Variants in TBC1D12 observed in about 807,000 individuals in gnomAD.
The protein encoded by TBC1D12 is TBC1 domain family, member 12.
TBC1D12 carries 56 observed loss-of-function variants against 86.7 expected under a neutral mutation model. The ratio of observed to expected loss-of-function variants is 0.65; its 90% CI spans 0.52 to 0.81. The LOEUF (loss-of-function observed/expected upper bound fraction) is 0.81. Among genes scored for constraint, TBC1D12 ranks in the 30% least tolerant of loss-of-function variants. TBC1D12 has a pLI of 0.00. For missense variants in TBC1D12, 1,023 were observed against 1,038.8 expected, an observed-to-expected ratio of 0.98 and a Z score of 0.21; for synonymous variants, 421 against 411.7, an observed-to-expected ratio of 1.02 and a Z score of -0.27.
intron 2 of TBC1D12, among the ~76,000 whole-genome samples, chr10:94,450,119 CA>C (rs1564952102): frequency 6.6e-6 from 1 of 151,958 alleles, no homozygotes; most frequent in East Asian, 1.9e-4. Context: ...ATTCTTTATT[CA>C]AAAAATACTA....
intron 1 of TBC1D12, among the ~76,000 whole-genome samples, chr10:94,441,531 TTTA>T (rs1268123134): frequency 6.6e-6 from 1 of 152,134 alleles, no homozygotes; most frequent in Non-Finnish European, 1.5e-5. Flanking sequence ...TGTTTATCTT[TTTA>T]TTATTTCTGT....
chr10:94,521,850 A>G, intron 9 of TBC1D12, 105 bp from the exon 10 acceptor site: 4 of 1,053,636 alleles, frequency 3.8e-6, no homozygotes, highest in Non-Finnish European at 5.1e-6. Context: ...ATCTTGGTTA[A>G]TTCTACTTTG....
chr10:94,474,282 A>G lies in TBC1D12; in HGVS notation c.1096-386A>G, dbSNP rs116302314. Among the ~76,000 whole-genome samples the G allele has an allele frequency of 4.5e-3, 682 of 152,114 alleles. 6 individuals are homozygous for G. Among genetic ancestry groups the G allele is most frequent in the African/African-American group, 0.015 (634 of 41,490 alleles). ...GTGTACTTCTGTCTTTCCTTCTCTT[A>G]CATTTTGATACTTTGTATGTAATAT... On this transcript the variant is annotated intron_variant, in intron 2 of 12. Transcript: ENST00000225235.
intron 1 of TBC1D12, 128 bp downstream of exon 1, chr10:94,403,712 C>G: frequency 8.6e-7 from 1 of 1,166,934 alleles, no homozygotes; most frequent in Non-Finnish European, 1.1e-6. Context: ...CGTGCCAGCC[C>G]CACACGCGTC....
At chr10:94,476,834 C>A (rs543625141) in intron 3 of TBC1D12, among the ~76,000 whole-genome samples, 1 of 152,152 alleles carries the variant, frequency 6.6e-6, no homozygotes, top group African/African-American at 2.4e-5. Context: ...CATGTTATTC[C>A]CCTCTCTTGG....
chr10:94,429,721 A>G (rs1391469005), intron 1 of TBC1D12, among the ~76,000 whole-genome samples: 1 of 151,978 alleles, frequency 6.6e-6, no homozygotes, highest in African/African-American at 2.4e-5. Flanking sequence ...TTACTCTTTC[A>G]ATTGATTCTA....
intron 11 of TBC1D12, among the ~76,000 whole-genome samples, chr10:94,528,967 G>A (rs1446129061): frequency 3.3e-5 from 5 of 151,932 alleles, no homozygotes; most frequent in Admixed American, 6.6e-5. Context: ...ATAAATAATG[G>A]CATTGGTCAA....
intron 6 of TBC1D12, among the ~76,000 whole-genome samples, chr10:94,504,320 T>C (rs12785061): frequency 0.11 from 16,128 of 152,262 alleles, 1,153 homozygotes; most frequent in Middle Eastern, 0.19. Flanking sequence ...CGTTTTGTGA[T>C]ACTATAATCA....
At chr10:94,467,810 C>CA (rs1403844169) in intron 2 of TBC1D12, among the ~76,000 whole-genome samples, 2 of 152,190 alleles carry the variant, frequency 1.3e-5, no homozygotes, top group African/African-American at 2.4e-5. Flanking sequence ...TCCCCACTCT[C>CA]ATGCGCGTAC....
At position 94,533,635 on chromosome 10, in the gene TBC1D12, T is replaced by C. The variant is rs1235566197; in HGVS notation, c.*539T>C. ...TTCACAAGTTGGGGCAAATTCGAGT[T>C]ACCTAGGAACTGGAAATGTTGGTGG... On this transcript the variant is annotated 3_prime_UTR_variant, in exon 13 of 13. Coordinates refer to ENST00000225235, the MANE Select transcript of TBC1D12 (RefSeq NM_015188.2). 6.6e-6 allele frequency: 1 copy of C among 152,238 alleles called. No homozygotes were observed. 9.4% of individuals were successfully genotyped at this position (152,238 alleles called of 1,614,324 possible). A position where few individuals can be genotyped will look rare whatever the true frequency, so the allele number is the denominator to read the frequency against.
intron 8 of TBC1D12, among the ~76,000 whole-genome samples, chr10:94,511,036 A>C (rs1488088762): frequency 6.6e-6 from 1 of 151,232 alleles, no homozygotes; most frequent in Non-Finnish European, 1.5e-5. Flanking sequence ...TATAGCTTGT[A>C]TCCATCAAGT....
intron 9 of TBC1D12, among the ~76,000 whole-genome samples, chr10:94,514,054 A>AC (rs971756691): frequency 9.2e-5 from 14 of 151,880 alleles, no homozygotes; most frequent in African/African-American, 3.4e-4. Flanking sequence ...AAAAAACAAA[A>AC]AAAAAAAAAC....
At chr10:94,414,819 C>T (rs1006401788) in intron 1 of TBC1D12, among the ~76,000 whole-genome samples, 7 of 152,078 alleles carry the variant, frequency 4.6e-5, no homozygotes, top group African/African-American at 1.2e-4. Flanking sequence ...AGGGCGGTCT[C>T]GAACTCCTGA....
chr10:94,424,578 G>A (rs1017009426), intron 1 of TBC1D12, among the ~76,000 whole-genome samples: 1 of 152,216 alleles, frequency 6.6e-6, no homozygotes, highest in African/African-American at 2.4e-5. Flanking sequence ...ACACTGTGCT[G>A]TGATACTAGC....
intron 2 of TBC1D12, among the ~76,000 whole-genome samples, chr10:94,471,709 A>G (rs2055910313): frequency 6.6e-6 from 1 of 152,200 alleles, no homozygotes; most frequent in African/African-American, 2.4e-5. Context: ...CTCATAAGAT[A>G]TACTTTATTT....
chr10:94,466,849 A>G (rs2055832513), intron 2 of TBC1D12, among the ~76,000 whole-genome samples: 1 of 152,206 alleles, frequency 6.6e-6, no homozygotes, highest in Admixed American at 6.5e-5. Context: ...TTCAGTGTCT[A>G]ATCCGGAATA....
At chr10:94,524,637 G>T (rs1842240954) in intron 11 of TBC1D12, among the ~76,000 whole-genome samples, 1 of 151,460 alleles carries the variant, frequency 6.6e-6, no homozygotes, top group Non-Finnish European at 1.5e-5. Flanking sequence ...TACTTGGGAG[G>T]CTGAGGTTGG....
At chr10:94,532,369 G>A (rs924936627) in intron 12 of TBC1D12, among the ~76,000 whole-genome samples, 11 of 151,922 alleles carry the variant, frequency 7.2e-5, no homozygotes, top group African/African-American at 2.7e-4. Context: ...AGTAGAGACG[G>A]GGTTTCACCA....
At chr10:94,458,887 C>T (rs893077930) in intron 2 of TBC1D12, among the ~76,000 whole-genome samples, 2 of 152,118 alleles carry the variant, frequency 1.3e-5, no homozygotes, top group African/African-American at 2.4e-5. Flanking sequence ...GTGAGTGTTA[C>T]AGCTCATAAA....
Sources: allele counts gnomAD v4.1 joint callset (sites outside exome capture counted in the v4.1 genomes callset), GRCh38; gene constraint gnomAD v4.1.1; transcripts MANE v1.5; gene names NCBI Gene and HGNC (gene_info 2026-07-23, HGNC 2026-07-21).